NLRP4: variants seen among roughly 807,000 people sequenced by gnomAD.
NLRP4 encodes NACHT, LRR and PYD domains-containing protein 4.
NLRP4 carries 44 observed loss-of-function variants against 84.7 expected under a neutral mutation model. The observed-to-expected ratio is 0.52, with a 90% CI of 0.41 to 0.67. The LOEUF (loss-of-function observed/expected upper bound fraction) is 0.67. NLRP4 is among the 30% of genes least tolerant of loss of function. The pLI, the probability that NLRP4 is intolerant of heterozygous loss-of-function variation, is 0.00. For synonymous variants in NLRP4, 544 were observed against 476.4 expected (o/e 1.14, Z -1.85); for missense variants, 1,260 against 1,219.4 (o/e 1.03, Z -0.50).
intron 1 of NLRP4, among the ~76,000 whole-genome samples, chr19:55,844,438 G>T (rs894625595): frequency 6.6e-6 from 1 of 152,004 alleles, no homozygotes. Context: ...CCACCACTTG[G>T]CTAAGTTTTG....
rs149435706 is a variant in NLRP4 at position 55,850,084 on chromosome 19, A to G, written c.-65-1932A>G. On this transcript the variant is annotated intron_variant, in intron 1 of 9. Transcript: ENST00000301295. ...GGTGGAATTTCCGAGACTGCGGTGTAATTTCCGTGGCTGCGGTGTAATTAC... is the reference window on the plus strand; with the variant it reads ...GGTGGAATTTCCGAGACTGCGGTGTGATTTCCGTGGCTGCGGTGTAATTAC... Among the ~76,000 whole-genome samples the G allele has an allele frequency of 2.4e-3, 273 of 113,850 alleles. 21 individuals are homozygous for G. The highest frequency in any genetic ancestry group is 6.3e-3 in the African/African-American group (107 of 16,998). The allele number at this position is 113,850 out of a possible 152,430, so 74.7% of individuals were successfully genotyped here. A position where few individuals can be genotyped will look rare whatever the true frequency, so the allele number is the denominator to read the frequency against.
intron 9 of NLRP4, among the ~76,000 whole-genome samples, chr19:55,880,312 C>G (rs1985539035): frequency 6.6e-6 from 1 of 152,112 alleles, no homozygotes; most frequent in Admixed American, 6.5e-5. Context: ...TGTAGACTAC[C>G]AAAGTAGACA....
intron 3 of NLRP4, 83 bp downstream of exon 3, chr19:55,859,332 T>G: frequency 8.9e-7 from 1 of 1,121,532 alleles, no homozygotes; most frequent in South Asian, 1.6e-5. Flanking sequence ...GTGTTTAATA[T>G]AGGATCATGG....
In NLRP4 at chr19:55,867,973, A is replaced by G. The variant is rs1985027649; in HGVS notation, c.2354+97A>G. ...GTCTGCTCATTGATGGAGGCCACATAGCGGAGGTTTAAAAGCTCACGCTTA... is the reference window on the plus strand; with the variant it reads ...GTCTGCTCATTGATGGAGGCCACATGGCGGAGGTTTAAAAGCTCACGCTTA... On this transcript the variant is annotated intron_variant, in intron 6 of 9. Transcript: ENST00000301295. 5 of 1,082,280 alleles carry G rather than the reference A, an allele frequency of 4.6e-6. 1 individual carries two copies. Among genetic ancestry groups the G allele is most frequent in the South Asian group, 4.5e-5 (3 of 66,998 alleles). The allele number at this position is 1,082,280 out of a possible 1,614,324, so 67.0% of individuals were successfully genotyped here. A position where few individuals can be genotyped will look rare whatever the true frequency, so the allele number is the denominator to read the frequency against.
rs1458077817 is a variant in NLRP4 at position 55,853,719 on chromosome 19, C to CTTTCTTTCTCTTTCTCTTTTCCTT, written c.280+1379_280+1402dup. 1.2e-3 allele frequency among the ~76,000 whole-genome samples: 172 copies of CTTTCTTTCTCTTTCTCTTTTCCTT among 148,654 alleles called. 1 individual carries two copies. The highest frequency in any genetic ancestry group is 2.1e-3 in the Non-Finnish European group (141 of 67,626). On this transcript the variant is annotated intron_variant, in intron 2 of 9. Transcript: ENST00000301295. ...GCCACCATACTGGCCTAGACTCACT[C>CTTTCTTTCTCTTTCTCTTTTCCTT]TTTCTTTCTCTTTCTCTTTTCCTTT...
intron 1 of NLRP4, among the ~76,000 whole-genome samples, chr19:55,850,099 G>A (rs932731120): frequency 7.2e-6 from 1 of 138,538 alleles, no homozygotes; most frequent in African/African-American, 2.7e-5. Context: ...CCGTGGCTGC[G>A]GTGTAATTAC....
chr19:55,851,129 CCGAGGCTGCGGTGTAATTTA>C (rs1568659597), intron 1 of NLRP4, among the ~76,000 whole-genome samples: 13 of 79,090 alleles, frequency 1.6e-4, no homozygotes, highest in Admixed American at 3.4e-4. Context: ...GGTGTAATGT[CCGAGGCTGCGGTGTAATTTA>C]CGAGGCTGCG....
At chr19:55,861,848 T>C (rs1984769407) in intron 4 of NLRP4, 144 bp from the exon 5 acceptor site, 2 of 693,486 alleles carry the variant, frequency 2.9e-6, no homozygotes, top group South Asian at 1.8e-5. Flanking sequence ...GGGCAAAATC[T>C]CTCAAGTTGA....
Position 55,858,271 on chromosome 19 carries a change from T to A in NLRP4, c.878T>A (p.Ile293Asn), listed in dbSNP as rs1462232569. 7 of 1,614,036 alleles carry A rather than the reference T, an allele frequency of 4.3e-6. No homozygotes were observed. In the South Asian group the frequency reaches 7.7e-5, roughly 18 times the overall value. Residue 293 changes from isoleucine (I) to asparagine (N), a missense_variant, in exon 3 of 10, where the codon ATC becomes AAC. Physicochemically the swap from Ile to Asn is moderately radical, Grantham distance 149. Around this residue, in one of 3 missense-constraint regions of NLRP4, gnomAD observed 712 missense variants for 669.2 expected, o/e 1.06. Coordinates refer to ENST00000301295, the MANE Select transcript of NLRP4 (RefSeq NM_134444.5). The surrounding 1 kb of genome is among the most constrained non-coding windows in gnomAD (Gnocchi z 4.2). The part of the protein sequence containing the change: ...CPKELRDQVT[I>N]SEIYQPRGFN... ...AAGGAGCTCCGGGATCAGGTGACGATCTCAGAAATCTACCAGCCCCGGGGA... is the reference window on the plus strand; with the variant it reads ...AAGGAGCTCCGGGATCAGGTGACGAACTCAGAAATCTACCAGCCCCGGGGA...
rs547977288 is a variant in NLRP4 at position 55,853,813 on chromosome 19, T to G, written c.280+1453T>G. Among the ~76,000 whole-genome samples the G allele has an allele frequency of 1.1e-4, 14 of 126,910 alleles. No homozygotes were observed. In the East Asian group the frequency reaches 2.9e-3, roughly 26 times the overall value. 83.3% of individuals were successfully genotyped at this position (126,910 alleles called of 152,430 possible). A position where few individuals can be genotyped will look rare whatever the true frequency, so the allele number is the denominator to read the frequency against. ...TCTTTCTCTCTCTCTCTCTTTCTCT[T>G]TCTTTCTTGCTGTCTCTTTCTCTCT... On this transcript the variant is annotated intron_variant, in intron 2 of 9. Transcript: ENST00000301295.
chr19:55,840,344 A>ATGTATGTGTGTGTG (rs1983560898), intron 1 of NLRP4, among the ~76,000 whole-genome samples: 1 of 119,656 alleles, frequency 8.4e-6, no homozygotes, highest in African/African-American at 3.2e-5. Context: ...GTGTATGTGT[A>ATGTATGTGTGTGTG]TGTGTGTGTG....
At position 55,850,190 on chromosome 19, in the gene NLRP4, CG is replaced by C. The variant is rs1461300298; in HGVS notation, c.-65-1825del. Reference sequence around the variant, plus strand: ...ATTTCCGTGGCTGCGGTGTAATTTCCGTGGCTGCGGTGTAATTTCCGTGGCT... The same window carrying C: ...ATTTCCGTGGCTGCGGTGTAATTTCCTGGCTGCGGTGTAATTTCCGTGGCT... On this transcript the variant is annotated intron_variant, in intron 1 of 9. Transcript: ENST00000301295. Among the ~76,000 whole-genome samples, 61 of 144,700 alleles carry C rather than the reference CG, an allele frequency of 4.2e-4. 2 individuals carry two copies. Among genetic ancestry groups the C allele is most frequent in the African/African-American group, 1.4e-3 (52 of 37,280 alleles). The allele number at this position is 144,700 out of a possible 152,430, so 94.9% of individuals were successfully genotyped here. A position where few individuals can be genotyped will look rare whatever the true frequency, so the allele number is the denominator to read the frequency against.
In NLRP4 at chr19:55,858,870, A is replaced by G; in HGVS notation, c.1477A>G (p.Arg493Gly). 2 of 1,614,210 alleles carry G rather than the reference A, an allele frequency of 1.2e-6. No homozygotes were observed. The highest frequency in any genetic ancestry group is 1.7e-6 in the Non-Finnish European group (2 of 1,180,028). ...AGTTGCCAATTTTGAAAAAGCAAGG[A>G]GAGCACATTGGATTTTTTTGGGGTG... is the stretch of plus-strand genomic sequence containing the variant. ...LLVANFEKAR[R>G]AHWIFLGCFL... Residue 493 changes from arginine to glycine, a missense_variant, in exon 3 of 10, where the codon AGA (arginine) becomes GGA (glycine). Coordinates refer to ENST00000301295, the MANE Select transcript of NLRP4 (RefSeq NM_134444.5). The surrounding 1 kb of genome is among the most constrained non-coding windows in gnomAD (Gnocchi z 4.2).
chr19:55,851,864 T>A (rs1984174388), intron 1 of NLRP4, among the ~76,000 whole-genome samples, 152 bp from the exon 2 acceptor site: 1 of 152,192 alleles, frequency 6.6e-6, no homozygotes, highest in African/African-American at 2.4e-5. Context: ...TATTGAGACT[T>A]TCATGACCAT....
intron 1 of NLRP4, 22 bp from the exon 2 acceptor site, chr19:55,851,994 C>T (rs1239121206): frequency 8.6e-5 from 80 of 934,320 alleles, no homozygotes; most frequent in South Asian, 3.9e-4. Context: ...AATAACTTGG[C>T]ACTGTCCTGA....
At chr19:55,847,294 C>G (rs1983835180) in intron 1 of NLRP4, among the ~76,000 whole-genome samples, 1 of 152,092 alleles carries the variant, frequency 6.6e-6, no homozygotes, top group Non-Finnish European at 1.5e-5. Flanking sequence ...AAGAAGATGA[C>G]TTTGCTACTG....
chr19:55,878,721 G>C (rs920801010), intron 8 of NLRP4, 73 bp from the exon 9 acceptor site: 2 of 1,378,768 alleles, frequency 1.5e-6, no homozygotes, highest in Non-Finnish European at 2.0e-6. Flanking sequence ...TCAACTAGAC[G>C]TCTAGCTCAC....
At chr19:55,848,705 C>T (rs1338840118) in intron 1 of NLRP4, among the ~76,000 whole-genome samples, 3 of 152,166 alleles carry the variant, frequency 2.0e-5, no homozygotes, top group Non-Finnish European at 2.9e-5. Flanking sequence ...CCCGGCTGTA[C>T]TATATTCTTT....
chr19:55,878,938 C>A lies in NLRP4; in HGVS notation c.2841C>A (p.His947Gln), dbSNP rs746154448. Residue 947 changes from histidine (H) to glutamine (Q), a missense_variant, in exon 9 of 10, where the codon CAC becomes CAA. Coordinates refer to ENST00000301295, the MANE Select transcript of NLRP4 (RefSeq NM_134444.5). ...GVVVLCEALR[H>Q]PECALQVLGL... is the part of the protein sequence containing the mutation. ...TTGTACTCTGTGAGGCCCTGAGACA[C>A]CCAGAGTGTGCCCTGCAGGTGCTCG... The A allele has an allele frequency of 6.2e-7, 1 of 1,613,600 alleles. No individual in the cohort carries two copies. Among genetic ancestry groups the A allele is most frequent in the Non-Finnish European group, 8.5e-7 (1 of 1,179,640 alleles).
Sources: gnomAD v4.1 joint callset for allele counts (sites outside exome capture counted in the v4.1 genomes callset) on GRCh38, gnomAD v4.1.1 for gene constraint, gnomAD v4.1.1 regional missense constraint, Gnocchi (gnomAD v3.1) non-coding constraint, MANE v1.5 for transcripts, NCBI Gene and HGNC (gene_info 2026-07-23, HGNC 2026-07-21) for gene names.